Variants in PAMR1 observed in about 807,000 individuals in gnomAD.
PAMR1 encodes peptidase domain containing associated with muscle regeneration 1.
A neutral mutation model predicts 81.8 loss-of-function variants in PAMR1; 88 were observed. The observed-to-expected ratio is 1.08, with a 90% CI of 0.91 to 1.28. The LOEUF (loss-of-function observed/expected upper bound fraction) is 1.28, where lower values mean the gene tolerates loss of function less well. PAMR1 is among the 50% of genes most tolerant of loss of function. PAMR1 has a pLI of 0.00. For synonymous variants in PAMR1, 336 were observed against 345.3 expected, an observed-to-expected ratio of 0.97 and a Z score of 0.30; for missense variants, 935 against 919.7, an observed-to-expected ratio of 1.02 and a Z score of -0.21.
At position 35,499,512 on chromosome 11, in the gene PAMR1, C is replaced by T. The variant is rs146673227; in HGVS notation, c.74-5240G>A. 2.0e-5 allele frequency among the ~76,000 whole-genome samples: 3 copies of T among 152,280 alleles called. No homozygotes were observed. In the East Asian group the frequency reaches 5.8e-4, roughly 29 times the overall value. ...AGATTCTGTACATCAACATGGAAGGCCATTTAAGGTTTGTTCCACTCCCTG... is the reference window on the plus strand; with the variant it reads ...AGATTCTGTACATCAACATGGAAGGTCATTTAAGGTTTGTTCCACTCCCTG... On this transcript the variant is annotated intron_variant, in intron 1 of 10. Coordinates refer to ENST00000619888, the MANE Select transcript of PAMR1 (RefSeq NM_001001991.3).
rs956342939 is a variant in PAMR1 at position 35,431,843 on chromosome 11, C to G, written c.*513G>C. ...GCACATTTGTTTTGTAGTTCAGAAGCCAACCCTTATTTTATTAAAATGTGT... is the reference window on the plus strand; with the variant it reads ...GCACATTTGTTTTGTAGTTCAGAAGGCAACCCTTATTTTATTAAAATGTGT... On this transcript the variant is annotated 3_prime_UTR_variant, in exon 11 of 11. Coordinates refer to ENST00000619888, the MANE Select transcript of PAMR1 (RefSeq NM_001001991.3). 5 of 155,076 alleles carry G rather than the reference C, an allele frequency of 3.2e-5. No homozygotes were observed. The highest frequency in any genetic ancestry group is 9.6e-5 in the African/African-American group (4 of 41,454). 9.6% of individuals were successfully genotyped at this position (155,076 alleles called of 1,614,324 possible). A position where few individuals can be genotyped will look rare whatever the true frequency, so the allele number is the denominator to read the frequency against.
intron 6 of PAMR1, among the ~76,000 whole-genome samples, chr11:35,466,617 C>G (rs1292739604): frequency 6.7e-6 from 1 of 149,034 alleles, no homozygotes; most frequent in Non-Finnish European, 1.5e-5. Context: ...GTCCCAGCTA[C>G]TTGGGAGGCT....
upstream of PAMR1, among the ~76,000 whole-genome samples, chr11:35,527,453 C>G: frequency 6.6e-6 from 1 of 152,136 alleles, no homozygotes; most frequent in Non-Finnish European, 1.5e-5. Context: ...TGGTATGAGT[C>G]TTGTTCCTAC....
chr11:35,447,282 A>T (rs1032014104), intron 6 of PAMR1, among the ~76,000 whole-genome samples: 38 of 146,954 alleles, frequency 2.6e-4, no homozygotes, highest in African/African-American at 8.8e-4. Flanking sequence ...GGCTCACTGC[A>T]AGCTCTGCCT....
At chr11:35,437,416 C>CAT (rs1015715377) in intron 8 of PAMR1, among the ~76,000 whole-genome samples, 24 of 152,234 alleles carry the variant, frequency 1.6e-4, no homozygotes, top group Non-Finnish European at 3.1e-4. Flanking sequence ...AAATCTATTT[C>CAT]ATATACAGTG....
At chr11:35,435,512 T>A (rs949551869) in intron 9 of PAMR1, among the ~76,000 whole-genome samples, 2 of 152,168 alleles carry the variant, frequency 1.3e-5, no homozygotes, top group Non-Finnish European at 2.9e-5. Context: ...CCCAATCTAA[T>A]ACCTCATTGC....
intron 1 of PAMR1, among the ~76,000 whole-genome samples, chr11:35,522,119 T>C (rs1851296009): frequency 6.6e-6 from 1 of 152,138 alleles, no homozygotes; most frequent in Admixed American, 6.5e-5. Flanking sequence ...AGACAGGGTT[T>C]CACTGTGTTA....
At position 35,525,524 on chromosome 11, in the gene PAMR1, G is replaced by C. The variant is rs754558107; in HGVS notation, c.62C>G (p.Ser21Cys). 1.2e-6 allele frequency: 2 copies of C among 1,613,886 alleles called. No individual in the cohort carries two copies. Among genetic ancestry groups the C allele is most frequent in the South Asian group, 2.2e-5 (2 of 91,046 alleles). ...GCTACTCACAGTACCTCTTGGCAAG[G>C]ACGAGATGAGAAGGAGCTGAAGAAA... ...LTFLQLLLIS[S>C]LPREYTVINE... Residue 21 changes from serine (S) to cysteine (C), a missense_variant, in exon 1 of 11, where the codon TCC becomes TGC. By Grantham distance (112) the Ser-to-Cys change is moderately radical. Transcript: ENST00000619888.
At chr11:35,435,282 C>T (rs1032301798) in intron 9 of PAMR1, among the ~76,000 whole-genome samples, 1 of 152,192 alleles carries the variant, frequency 6.6e-6, no homozygotes, top group Non-Finnish European at 1.5e-5. Flanking sequence ...TAAATGCAGG[C>T]CCCTAATCCG....
chr11:35,444,336 C>T (rs1356885997), intron 6 of PAMR1, among the ~76,000 whole-genome samples: 2 of 152,154 alleles, frequency 1.3e-5, no homozygotes, highest in Non-Finnish European at 2.9e-5. Flanking sequence ...TGTGCAGAAG[C>T]TCTGTAGTTT....
chr11:35,464,730 T>C (rs895788065), intron 6 of PAMR1, among the ~76,000 whole-genome samples: 37 of 152,192 alleles, frequency 2.4e-4, no homozygotes, highest in African/African-American at 8.7e-4. Flanking sequence ...ATGCTTCCAC[T>C]GGGAACCAGG....
In PAMR1 at chr11:35,431,934, A is replaced by G. The variant is rs1441024674; in HGVS notation, c.*422T>C. 3 of 195,002 alleles carry G rather than the reference A, an allele frequency of 1.5e-5. No individual in the cohort carries two copies. Among genetic ancestry groups the G allele is most frequent in the Admixed American group, 1.1e-4 (2 of 18,766 alleles). The allele number at this position is 195,002 out of a possible 1,614,324, so 12.1% of individuals were successfully genotyped here. On this transcript the variant is annotated 3_prime_UTR_variant, in exon 11 of 11. Transcript: ENST00000619888. ...CCATGTACACAAAGGCATGCACCAC[A>G]TCCCAGCTCTGCTGCCCTGGGCTGT...
At chr11:35,470,567 C>A (rs774742694) in intron 5 of PAMR1, 34 bp downstream of exon 5, 4 of 1,500,898 alleles carry the variant, frequency 2.7e-6, no homozygotes, top group Non-Finnish European at 2.8e-6. Context: ...TGGAGCAAGC[C>A]ATAAAATGCC....
intron 6 of PAMR1, among the ~76,000 whole-genome samples, chr11:35,466,789 T>C (rs907206641): frequency 4.0e-5 from 6 of 150,334 alleles, no homozygotes; most frequent in African/African-American, 1.5e-4. Flanking sequence ...TACACAAACT[T>C]TAGAGAATAC....
At chr11:35,528,630 A>G (rs1342130105), upstream of PAMR1, among the ~76,000 whole-genome samples, 1 of 151,862 alleles carries the variant, frequency 6.6e-6, no homozygotes, top group Non-Finnish European at 1.5e-5. Context: ...TTGTCATTCT[A>G]ATTTACAGGG....
chr11:35,528,606 G>C (rs1851425235), upstream of PAMR1, among the ~76,000 whole-genome samples: 1 of 150,906 alleles, frequency 6.6e-6, no homozygotes, highest in South Asian at 2.1e-4. Context: ...TTGTTAATCT[G>C]TTTTTTCTTT....
intron 6 of PAMR1, among the ~76,000 whole-genome samples, chr11:35,445,686 T>C (rs564782797): frequency 6.6e-6 from 1 of 152,366 alleles, no homozygotes; most frequent in East Asian, 1.9e-4. Context: ...TAAAGCCAAC[T>C]TGATCGTGGT....
intron 7 of PAMR1, 82 bp downstream of exon 7, chr11:35,441,399 G>A: frequency 1.0e-6 from 1 of 966,102 alleles, no homozygotes; most frequent in Admixed American, 1.9e-5. Flanking sequence ...TTTTCCAGGG[G>A]CTTAAAAACA....
chr11:35,456,189 T>G (rs931183412), intron 6 of PAMR1, among the ~76,000 whole-genome samples: 6 of 152,210 alleles, frequency 3.9e-5, no homozygotes, highest in Admixed American at 3.9e-4. Flanking sequence ...GTACCTTTCT[T>G]AACTTTGCTT....
Sources: gnomAD v4.1 joint callset for allele counts (sites outside exome capture counted in the v4.1 genomes callset) on GRCh38, gnomAD v4.1.1 for gene constraint, MANE v1.5 for transcripts, NCBI Gene and HGNC (gene_info 2026-07-23, HGNC 2026-07-21) for gene names.